KCNMA1: variants seen among roughly 807,000 people sequenced by gnomAD.
The protein encoded by KCNMA1 is Calcium-activated potassium channel subunit alpha-1.
In KCNMA1, 29 loss-of-function variants were observed where a neutral mutation model predicts 140.0. The ratio of observed to expected loss-of-function variants is 0.21; its 90% CI spans 0.15 to 0.28. KCNMA1 has a LOEUF of 0.28. Among genes scored for constraint, KCNMA1 ranks in the 10% least tolerant of loss-of-function variants. KCNMA1 has a pLI of 1.00. For missense variants in KCNMA1, 880 were observed against 1,602.2 expected (o/e 0.55, Z 7.70); for synonymous variants, 612 against 611.9 (o/e 1.00, Z 0.00).
At chr10:77,136,592 GA>G (rs57606631) in intron 5 of KCNMA1, among the ~76,000 whole-genome samples, 3,235 of 145,012 alleles carry the variant, frequency 0.022, 112 homozygotes, top group African/African-American at 0.071. Context: ...TGGAAATGCT[GA>G]AAAAAAAAAA....
At chr10:77,326,705 T>A (rs777684651) in intron 2 of KCNMA1, among the ~76,000 whole-genome samples, 1 of 152,194 alleles carries the variant, frequency 6.6e-6, no homozygotes, top group Non-Finnish European at 1.5e-5. Flanking sequence ...ATTAATGCTA[T>A]TGATAATATT....
chr10:77,533,995 T>C (rs951218678), intron 1 of KCNMA1, among the ~76,000 whole-genome samples: 17 of 152,180 alleles, frequency 1.1e-4, no homozygotes, highest in Admixed American at 2.0e-4. Context: ...ACTATGCTGC[T>C]TGGTGCTGGC....
At chr10:77,360,585 C>T (rs759577689) in intron 2 of KCNMA1, among the ~76,000 whole-genome samples, 6 of 152,258 alleles carry the variant, frequency 3.9e-5, no homozygotes, top group African/African-American at 1.2e-4. Flanking sequence ...AAATACTCCC[C>T]GGAGCACCTG....
At chr10:77,241,729 C>T (rs1164784633) in intron 3 of KCNMA1, among the ~76,000 whole-genome samples, 1 of 152,036 alleles carries the variant, frequency 6.6e-6, no homozygotes, top group Non-Finnish European at 1.5e-5. Context: ...TGAAGGATCA[C>T]TTGAGCCAAA....
intron 5 of KCNMA1, among the ~76,000 whole-genome samples, chr10:77,165,202 A>G (rs2098626009): frequency 6.6e-6 from 1 of 152,196 alleles, no homozygotes; most frequent in Admixed American, 6.5e-5. Context: ...ACGGTAGTCA[A>G]TGGTAATATT....
At chr10:76,889,708 A>G in intron 26 of KCNMA1, 139 bp from the exon 27 acceptor site, 1 of 750,382 alleles carries the variant, frequency 1.3e-6, no homozygotes, top group South Asian at 1.4e-5. Flanking sequence ...AAGGGACGGC[A>G]GTGGAAGAAG....
chr10:76,937,484 G>T (rs1464156201), intron 23 of KCNMA1, among the ~76,000 whole-genome samples: 1 of 152,192 alleles, frequency 6.6e-6, no homozygotes, highest in Non-Finnish European at 1.5e-5. Flanking sequence ...TATCTAGCCT[G>T]TCTTTACTGA....
chr10:77,124,092 G>C (rs1438484817), intron 5 of KCNMA1, among the ~76,000 whole-genome samples: 1 of 152,214 alleles, frequency 6.6e-6, no homozygotes, highest in East Asian at 1.9e-4. Context: ...CAAAACCATA[G>C]ATAAGAGGCA....
rs774798721 is a variant in KCNMA1 at position 76,914,925 on chromosome 10, T to C, written c.3016+11A>G. The stretch of plus-strand genomic sequence containing the variant: ...ACAAAAACTCCCCCCAAAGCTGACA[T>C]TGACCCCTACCTAGTTCAGTGATGA... On this transcript the variant is annotated intron_variant, in intron 24 of 27. Coordinates refer to ENST00000286628, the MANE Select transcript of KCNMA1 (RefSeq NM_001161352.2). 5.7e-6 allele frequency: 9 copies of C among 1,575,918 alleles called. 1 individual carries two copies. The highest frequency in any genetic ancestry group is 2.2e-5 in the South Asian group (2 of 90,356).
chr10:77,496,766 G>C (rs890183597), intron 1 of KCNMA1, among the ~76,000 whole-genome samples: 2 of 152,092 alleles, frequency 1.3e-5, no homozygotes, highest in African/African-American at 4.8e-5. Context: ...CTGAAGTTCA[G>C]CTAGATTAAG....
intron 14 of KCNMA1, among the ~76,000 whole-genome samples, chr10:77,067,591 AT>A (rs887064333): frequency 6.6e-6 from 1 of 152,204 alleles, no homozygotes; most frequent in African/African-American, 2.4e-5. Context: ...TACCTAAGTC[AT>A]CCCCAGCCCT....
chr10:77,499,590 A>T (rs1444492659), intron 1 of KCNMA1, among the ~76,000 whole-genome samples: 1 of 152,192 alleles, frequency 6.6e-6, no homozygotes, highest in East Asian at 1.9e-4. Flanking sequence ...TCCTCTGCAA[A>T]ACCCAACAGC....
At chr10:76,964,845 C>A (rs557864434) in intron 20 of KCNMA1, among the ~76,000 whole-genome samples, 1 of 152,292 alleles carries the variant, frequency 6.6e-6, no homozygotes, top group African/African-American at 2.4e-5. Context: ...TTCCTCAAAT[C>A]ATATTTTGCC....
intron 21 of KCNMA1, among the ~76,000 whole-genome samples, chr10:76,950,659 T>C (rs1301105932): frequency 6.6e-6 from 1 of 152,206 alleles, no homozygotes; most frequent in African/African-American, 2.4e-5. Flanking sequence ...CTCTGCTTGA[T>C]TTAATCTCTA....
At chr10:77,015,938 A>G (rs2091947505) in intron 17 of KCNMA1, among the ~76,000 whole-genome samples, 1 of 152,082 alleles carries the variant, frequency 6.6e-6, no homozygotes, top group African/African-American at 2.4e-5. Context: ...CTCCTGCCCC[A>G]TTCCTCTCAT....
intron 6 of KCNMA1, among the ~76,000 whole-genome samples, chr10:77,112,850 A>C (rs1303715434): frequency 6.6e-6 from 1 of 151,276 alleles, no homozygotes; most frequent in Non-Finnish European, 1.5e-5. Flanking sequence ...ACATATATAT[A>C]TATATATATT....
chr10:77,561,379 C>A (rs576734938), intron 1 of KCNMA1, among the ~76,000 whole-genome samples: 86 of 152,260 alleles, frequency 5.6e-4, no homozygotes, highest in Middle Eastern at 3.4e-3. Flanking sequence ...CAGCTTGATA[C>A]AGTTGGTGCT....
chr10:76,943,347 G>A (rs1338885688), intron 23 of KCNMA1, among the ~76,000 whole-genome samples: 1 of 152,192 alleles, frequency 6.6e-6, no homozygotes, highest in Non-Finnish European at 1.5e-5. Context: ...GTGGCATGGA[G>A]AGGTCAAAAT....
At position 76,915,040 on chromosome 10, in the gene KCNMA1, G is replaced by T. The variant is rs1001418917; in HGVS notation, c.2912C>A (p.Pro971His). The T allele has an allele frequency of 1.9e-6, 3 of 1,611,596 alleles. No homozygotes were observed. In the African/African-American group the frequency reaches 4.0e-5, roughly 22 times the overall value. ...VLQANSQGFTPPGMDRSSPDN... is the reference protein window; with the variant it reads ...VLQANSQGFTHPGMDRSSPDN... ...TGGAGAGGATCTATCCATTCCTGGA[G>T]GTGTGAACCCTAGTGGGAAGGAAAC... The change falls in exon 24 of 28, where the codon CCT becomes CAT. Residue 971 changes from proline to histidine, a missense_variant. Transcript: ENST00000286628.
Sources: gnomAD v4.1 joint callset for allele counts (sites outside exome capture counted in the v4.1 genomes callset) on GRCh38, gnomAD v4.1.1 for gene constraint, MANE v1.5 for transcripts, NCBI Gene and HGNC (gene_info 2026-07-23, HGNC 2026-07-21) for gene names.